Variants in WBP2NL observed in about 807,000 individuals in gnomAD.
WBP2NL encodes the protein postacrosomal sheath WW domain-binding protein.
A neutral mutation model predicts 23.3 loss-of-function variants in WBP2NL; 27 were observed. The ratio of observed to expected loss-of-function variants is 1.16; its 90% confidence interval spans 0.85 to 1.60. The LOEUF (loss-of-function observed/expected upper bound fraction) is 1.60, where lower values mean the gene tolerates loss of function less well. Ranked by LOEUF, WBP2NL falls within the 40% of genes most tolerant of loss-of-function variation. The probability of loss-of-function intolerance (pLI) is 0.00; values close to 1 mark genes in which losing one functional copy is unlikely to be tolerated. For synonymous variants in WBP2NL, 151 were observed against 145.9 expected (o/e 1.03, Z -0.25); for missense variants, 370 against 389.5 (o/e 0.95, Z 0.42).
chr22:42,001,176 C>T, intron 1 of WBP2NL: 1 of 796,846 alleles, frequency 1.3e-6, no homozygotes. Flanking sequence ...CTTCCTTCAT[C>T]ATGAGTAATC....
chr22:42,052,124 G>C (rs1256305058), intron 8 of WBP2NL, among the ~76,000 whole-genome samples: 1 of 152,170 alleles, frequency 6.6e-6, no homozygotes, highest in East Asian at 1.9e-4. Flanking sequence ...CCCCAAGTCA[G>C]TGCAGATGGC....
downstream of WBP2NL, among the ~76,000 whole-genome samples, chr22:42,037,427 A>T (rs1925225663): frequency 6.6e-6 from 1 of 151,684 alleles, no homozygotes; most frequent in Admixed American, 6.6e-5. Flanking sequence ...TTGGCTATTC[A>T]GGGTTTTTTG....
chr22:42,027,002 G>C lies in WBP2NL; in HGVS notation c.751G>C (p.Gly251Arg), dbSNP rs148008993. 26 of 1,609,976 alleles carry C rather than the reference G, an allele frequency of 1.6e-5. No homozygotes were observed. The highest frequency in any genetic ancestry group is 5.4e-5 in the African/African-American group (4 of 74,532). The change falls in exon 6 of 6, where the codon GGA (glycine) becomes CGA (arginine). Residue 251 changes from glycine to arginine, a missense_variant. Transcript: ENST00000328823. ...TCTTGGATATGGAACCCCACCTCTC[G>C]GATATGGAGCCCCACCTCTCGGATA... Reference protein sequence around the residue: ...PPLGYGTPPLGYGAPPLGYGA... With the variant: ...PPLGYGTPPLRYGAPPLGYGA...
At chr22:42,018,466 A>G (rs1250767930) in intron 1 of WBP2NL, among the ~76,000 whole-genome samples, 1 of 151,864 alleles carries the variant, frequency 6.6e-6, no homozygotes, top group Non-Finnish European at 1.5e-5. Context: ...GGAGGGAGAA[A>G]GAGAAAGAAG....
chr22:42,057,891 ATATATATATATTTTTTTTTTTTTT>A (rs1926124604), intron 8 of WBP2NL, among the ~76,000 whole-genome samples: 1 of 23,366 alleles, frequency 4.3e-5, no homozygotes, highest in Non-Finnish European at 7.8e-5. Context: ...ATATATATAT[ATATATATATATTTTTTTTTTTTTT>A]TTTTTTTTTT....
chr22:42,039,451 C>G (rs749216756), intron 8 of WBP2NL, among the ~76,000 whole-genome samples: 1 of 151,220 alleles, frequency 6.6e-6, no homozygotes, highest in East Asian at 2.0e-4. Flanking sequence ...GCTCAGCGTT[C>G]CAAAGTACTG....
At chr22:42,006,383 G>A (rs1922254116) in intron 1 of WBP2NL, among the ~76,000 whole-genome samples, 1 of 152,038 alleles carries the variant, frequency 6.6e-6, no homozygotes, top group South Asian at 2.1e-4. Context: ...ACCACACTCG[G>A]CTAATTTTTT....
intron 1 of WBP2NL, among the ~76,000 whole-genome samples, chr22:42,007,702 G>T (rs888744100): frequency 3.9e-5 from 6 of 152,104 alleles, no homozygotes; most frequent in African/African-American, 1.4e-4. Context: ...CATCCTCAAG[G>T]TTCGTCCATG....
intron 1 of WBP2NL, among the ~76,000 whole-genome samples, chr22:42,007,636 G>A (rs1402106294): frequency 6.6e-6 from 1 of 152,180 alleles, no homozygotes; most frequent in African/African-American, 2.4e-5. Flanking sequence ...GATACCTCAT[G>A]TAAGTGTAAT....
At chr22:42,004,446 T>C (rs1183676684) in intron 1 of WBP2NL, among the ~76,000 whole-genome samples, 2 of 151,670 alleles carry the variant, frequency 1.3e-5, no homozygotes, top group Non-Finnish European at 2.9e-5. Flanking sequence ...ATACAAAAAA[T>C]AGTTGGATGT....
At chr22:42,004,076 A>G (rs1921974461) in intron 1 of WBP2NL, among the ~76,000 whole-genome samples, 13 of 152,194 alleles carry the variant, frequency 8.5e-5, no homozygotes, top group Admixed American at 8.5e-4. Context: ...GTTTGAGACC[A>G]GCTGGCCAAC....
chr22:42,046,935 AGT>A (rs1925609576), intron 8 of WBP2NL, among the ~76,000 whole-genome samples: 1 of 152,184 alleles, frequency 6.6e-6, no homozygotes, highest in Non-Finnish European at 1.5e-5. Context: ...CTCCTAAATC[AGT>A]GTGTTTAGAC....
At position 42,027,192 on chromosome 22, in the gene WBP2NL, T is replaced by A; in HGVS notation, c.*11T>A. 1 of 1,591,680 alleles carries A rather than the reference T, an allele frequency of 6.3e-7. No homozygotes were observed. ...CAGGTCCATTCTTAACCTTCTAAGA[T>A]GTAAACCTTGAAGACTCACCAAGCA... On this transcript the variant is annotated 3_prime_UTR_variant, in exon 6 of 6. Transcript: ENST00000328823.
chr22:42,019,089 C>T (rs563791005), intron 1 of WBP2NL, among the ~76,000 whole-genome samples: 2 of 151,626 alleles, frequency 1.3e-5, no homozygotes, highest in African/African-American at 2.4e-5. Flanking sequence ...GGCATGGTGG[C>T]GGGCGCCTGT....
chr22:42,025,382 T>A (rs1274065231), intron 5 of WBP2NL, among the ~76,000 whole-genome samples: 1 of 152,252 alleles, frequency 6.6e-6, no homozygotes, highest in African/African-American at 2.4e-5. Context: ...AGTGTTAGTA[T>A]ATTTTATATG....
Position 42,027,125 on chromosome 22 carries a change from G to A in WBP2NL, c.874G>A (p.Ala292Thr). ...GCCTCAGGAATCTACAGCAGCCCAG[G>A]CTCCTGAAAACGAGGCTTCTCTTCC... The part of the protein sequence containing the change: ...ARPQESTAAQ[A>T]PENEASLPSA... Residue 292 changes from alanine to threonine, a missense_variant, in exon 6 of 6, where the codon GCT becomes ACT. Physicochemically the swap from Ala to Thr is moderately conservative, Grantham distance 58 (BLOSUM62 0). Transcript: ENST00000328823. 1 of 1,614,122 alleles carries A rather than the reference G, an allele frequency of 6.2e-7. No homozygotes were observed. Among genetic ancestry groups the A allele is most frequent in the Non-Finnish European group, 8.5e-7 (1 of 1,179,990 alleles).
At position 42,027,064 on chromosome 22, in the gene WBP2NL, G is replaced by T; in HGVS notation, c.813G>T (p.Ala271=). The part of the protein sequence containing the change: ...APPAGNEGPP[A]GYRASPAGSG... The stretch of plus-strand genomic sequence containing the variant: ...CTGCAGGAAATGAAGGCCCGCCTGC[G>T]GGATACAGAGCCTCACCTGCTGGAT... Residue 271 remains alanine (A), a synonymous_variant, in exon 6 of 6, where the codon GCG becomes GCT. Coordinates refer to ENST00000328823, the MANE Select transcript of WBP2NL (RefSeq NM_152613.3). The T allele has an allele frequency of 1.2e-6, 2 of 1,614,220 alleles. No homozygotes were observed. The highest frequency in any genetic ancestry group is 1.7e-6 in the Non-Finnish European group (2 of 1,180,042).
intron 8 of WBP2NL, among the ~76,000 whole-genome samples, chr22:42,040,550 G>T (rs185592829): frequency 2.6e-5 from 4 of 152,224 alleles, no homozygotes; most frequent in Admixed American, 2.6e-4. Flanking sequence ...TTTAAACATA[G>T]GTGTTTAATG....
intron 5 of WBP2NL, among the ~76,000 whole-genome samples, chr22:42,026,360 G>T (rs1302082793): frequency 6.6e-6 from 1 of 151,210 alleles, no homozygotes; most frequent in African/African-American, 2.4e-5. Flanking sequence ...TATTCACAGA[G>T]ATTCTACAAA....
Sources: gnomAD v4.1 joint callset for allele counts (sites outside exome capture counted in the v4.1 genomes callset) on GRCh38, gnomAD v4.1.1 for gene constraint, MANE v1.5 for transcripts, NCBI Gene and HGNC (gene_info 2026-07-23, HGNC 2026-07-21) for gene names.